The following SLC2A9 variants were observed in gnomAD, a reference collection of about 807,000 sequenced individuals.
The protein encoded by SLC2A9 is solute carrier family 2, facilitated glucose transporter member 9.
Under a neutral mutation model 50.6 loss-of-function variants are expected in SLC2A9, and 39 were observed. The ratio of observed to expected loss-of-function variants is 0.77; its 90% CI spans 0.60 to 1.01. The LOEUF is 1.01. SLC2A9 is among the 50% of genes least tolerant of loss of function. The pLI is 0.00. For missense variants in SLC2A9, 686 were observed against 677.6 expected (o/e 1.01, Z -0.14); for synonymous variants, 324 against 276.9 (o/e 1.17, Z -1.69).
chr4:9,790,353 T>C (rs900586269), intron 3 of SLC2A9, among the ~76,000 whole-genome samples: 1 of 152,226 alleles, frequency 6.6e-6, no homozygotes, highest in African/African-American at 2.4e-5. Flanking sequence ...ACCTCAGTTG[T>C]CTACATGAGT....
intron 8 of SLC2A9, among the ~76,000 whole-genome samples, chr4:9,899,095 G>C (rs1459242872): frequency 6.6e-6 from 1 of 152,174 alleles, no homozygotes; most frequent in Non-Finnish European, 1.5e-5. Flanking sequence ...AGACAACTGA[G>C]ACTCTTTCAG....
At chr4:9,909,072 GA>G (rs978461197) in intron 7 of SLC2A9, among the ~76,000 whole-genome samples, 8 of 152,162 alleles carry the variant, frequency 5.3e-5, no homozygotes, top group Admixed American at 1.3e-4. Context: ...GTCATCCACT[GA>G]AAAATTGCCA....
intron 3 of SLC2A9, among the ~76,000 whole-genome samples, chr4:9,789,845 T>A (rs1719678627): frequency 6.6e-6 from 1 of 152,206 alleles, no homozygotes; most frequent in African/African-American, 2.4e-5. Flanking sequence ...ACTCAGAATA[T>A]TGTTCTGATT....
intron 7 of SLC2A9, among the ~76,000 whole-genome samples, chr4:9,912,436 A>T (rs935056290): frequency 3.3e-5 from 5 of 152,182 alleles, no homozygotes; most frequent in African/African-American, 1.2e-4. Context: ...GGGTAAGGGC[A>T]GCAGGAAAGA....
At chr4:9,942,121 G>T in intron 5 of SLC2A9, 76 bp from the exon 6 acceptor site, 1 of 1,584,814 alleles carries the variant, frequency 6.3e-7, no homozygotes, top group South Asian at 1.1e-5. Flanking sequence ...TGGACCAGGT[G>T]GTTTCGACCC....
chr4:9,915,552 A>G (rs952655375), intron 7 of SLC2A9, among the ~76,000 whole-genome samples: 1 of 152,160 alleles, frequency 6.6e-6, no homozygotes, highest in Non-Finnish European at 1.5e-5. Flanking sequence ...CTTTAAATGC[A>G]TCCTTTCATC....
intron 10 of SLC2A9, among the ~76,000 whole-genome samples, chr4:9,857,524 A>AT (rs1289559937): frequency 6.6e-6 from 1 of 152,192 alleles, no homozygotes; most frequent in African/African-American, 2.4e-5. Context: ...GCCGGCTGGC[A>AT]TCCCTGGCAG....
chr4:9,880,623 A>G (rs542906480), intron 10 of SLC2A9: 4 of 955,764 alleles, frequency 4.2e-6, no homozygotes, highest in Middle Eastern at 5.4e-4. Flanking sequence ...GATGAGTCCA[A>G]TCTGGCTTGT....
At chr4:9,993,542 T>C (rs1175574964) in intron 3 of SLC2A9, among the ~76,000 whole-genome samples, 2 of 152,174 alleles carry the variant, frequency 1.3e-5, no homozygotes, top group Non-Finnish European at 2.9e-5. Context: ...CATGTCATCG[T>C]GAACTAAGTA....
intron 6 of SLC2A9, among the ~76,000 whole-genome samples, chr4:9,939,393 T>A (rs1329237819): frequency 2.0e-5 from 3 of 152,334 alleles, no homozygotes; most frequent in Non-Finnish European, 4.4e-5. Flanking sequence ...ATTACAGTAA[T>A]AGTTGACTAA....
At chr4:9,879,405 T>A (rs983433126) in intron 10 of SLC2A9, 2 of 985,090 alleles carry the variant, frequency 2.0e-6, no homozygotes, top group African/African-American at 3.5e-5. Context: ...TGTGTGTTTG[T>A]GCGTGTGGGG....
chr4:9,992,190 T>A (rs916216363), intron 3 of SLC2A9, among the ~76,000 whole-genome samples: 1 of 152,196 alleles, frequency 6.6e-6, no homozygotes, highest in Admixed American at 6.5e-5. Context: ...TGTCTCCACC[T>A]AACCATGGCT....
At chr4:9,831,840 A>T (rs990235000) in intron 11 of SLC2A9, among the ~76,000 whole-genome samples, 5 of 152,228 alleles carry the variant, frequency 3.3e-5, no homozygotes, top group Admixed American at 6.5e-5. Flanking sequence ...GCACCTGCCT[A>T]CGGCCCCCTG....
intron 3 of SLC2A9, chr4:9,782,041 A>C (rs780035670): frequency 6.8e-7 from 1 of 1,469,402 alleles, no homozygotes; most frequent in Non-Finnish European, 9.0e-7. Context: ...TGCTGCCGCC[A>C]GGCAGCAACG....
upstream of SLC2A9, among the ~76,000 whole-genome samples, chr4:10,021,740 C>T (rs1316941033): frequency 6.6e-6 from 1 of 151,628 alleles, no homozygotes; most frequent in Non-Finnish European, 1.5e-5. Flanking sequence ...AGCAGGGTGA[C>T]TGCCATTAAC....
intron 11 of SLC2A9, among the ~76,000 whole-genome samples, chr4:9,830,806 C>T (rs1726007045): frequency 6.6e-6 from 1 of 152,192 alleles, no homozygotes; most frequent in South Asian, 2.1e-4. Context: ...CTGATGCTGA[C>T]CACAGCAAAT....
At chr4:9,974,377 A>G (rs182561149) in intron 5 of SLC2A9, among the ~76,000 whole-genome samples, 1 of 152,292 alleles carries the variant, frequency 6.6e-6, no homozygotes, top group Admixed American at 6.5e-5. Flanking sequence ...AGACTCCACC[A>G]AAAGTCTCCT....
intron 1 of SLC2A9, chr4:10,035,597 T>C (rs966958291): frequency 1.3e-5 from 2 of 152,160 alleles, no homozygotes; most frequent in African/African-American, 4.8e-5. Flanking sequence ...AAAGAATCCC[T>C]AGAAAGCTGG....
chr4:9,981,974 C>G lies in SLC2A9; in HGVS notation c.536-1237G>C, dbSNP rs557585279. ...TCGGCTCACCACAACTTCCACCTCC[C>G]GGGTTCAAGTGATTCTCCTGCCTCA... is the stretch of plus-strand genomic sequence containing the variant. On this transcript the variant is annotated intron_variant, in intron 4 of 11. Coordinates refer to ENST00000264784, the MANE Select transcript of SLC2A9 (RefSeq NM_020041.3). Among the ~76,000 whole-genome samples the G allele has an allele frequency of 5.0e-3, 754 of 152,192 alleles. 7 individuals are homozygous for G. The highest frequency in any genetic ancestry group is 0.017 in the African/African-American group (715 of 41,508).
Sources: gnomAD v4.1 joint callset for allele counts (sites outside exome capture counted in the v4.1 genomes callset) on GRCh38, gnomAD v4.1.1 for gene constraint, MANE v1.5 for transcripts, NCBI Gene and HGNC (gene_info 2026-07-23, HGNC 2026-07-21) for gene names.